MYPN: variants seen among roughly 807,000 people sequenced by gnomAD.
MYPN encodes sarcomeric protein myopalladin, 145 kDa (MYOP).
Under a neutral mutation model 129.4 loss-of-function variants are expected in MYPN, and 63 were observed. The ratio of observed to expected loss-of-function variants is 0.49; its 90% CI spans 0.40 to 0.60. MYPN has a LOEUF of 0.60. Ranked by LOEUF, MYPN falls within the 20% of genes least tolerant of loss-of-function variation. The probability of loss-of-function intolerance (pLI) is 0.00; values close to 1 mark genes in which losing one functional copy is unlikely to be tolerated. For synonymous variants in MYPN, 629 were observed against 600.9 expected (o/e 1.05, Z -0.68); for missense variants, 1,596 against 1,635.4 (o/e 0.98, Z 0.42).
At chr10:68,176,544 A>G (rs1370843358) in intron 12 of MYPN, among the ~76,000 whole-genome samples, 1 of 152,154 alleles carries the variant, frequency 6.6e-6, no homozygotes, top group African/African-American at 2.4e-5. Context: ...GGAGCCATGG[A>G]TATATAGTAA....
At chr10:68,145,843 C>T (rs961387820) in intron 4 of MYPN, among the ~76,000 whole-genome samples, 14 of 152,164 alleles carry the variant, frequency 9.2e-5, no homozygotes, top group Admixed American at 5.9e-4. Context: ...TGTGCAGATA[C>T]GAACATTCAT....
rs143338091 is a variant in MYPN, at chr10:68,166,533, G to A, written c.1840G>A (p.Glu614Lys). Residue 614 changes from glutamate to lysine, a missense_variant, in exon 10 of 20, where the codon GAG becomes AAG. Coordinates refer to ENST00000358913, the MANE Select transcript of MYPN (RefSeq NM_032578.4). ...TGACAAAGGAAGTGAAGCATCCTCC[G>A]AGGCTGGTGTGGTGACCACCAGACA... Reference protein sequence around the residue: ...EDDKGSEASSEAGVVTTRQTR... With the variant: ...EDDKGSEASSKAGVVTTRQTR... 196 of 1,614,104 alleles carry A rather than the reference G, an allele frequency of 1.2e-4. 1 individual carries two copies. In the East Asian group the frequency reaches 3.9e-3, roughly 32 times the overall value.
Position 68,199,235 on chromosome 10 carries a change from TAC to T in MYPN, c.3286-131_3286-130del. On this transcript the variant is annotated intron_variant, in intron 16 of 19. Transcript: ENST00000358913. ...GACTCTTCGTTTCTCTCGATGCCCC[TAC>T]AGAGAGGTTTCTCATCACTCCATGT... 4 of 837,186 alleles carry T rather than the reference TAC, an allele frequency of 4.8e-6. No homozygotes were observed. The South Asian group carries it at 5.8e-5, about 12-fold the overall frequency. The allele number at this position is 837,186 out of a possible 1,614,324, so 51.9% of individuals were successfully genotyped here. A position where few individuals can be genotyped will look rare whatever the true frequency, so the allele number is the denominator to read the frequency against.
chr10:68,195,158 A>G (rs1190679907), intron 14 of MYPN, among the ~76,000 whole-genome samples: 3 of 152,174 alleles, frequency 2.0e-5, no homozygotes, highest in African/African-American at 7.2e-5. Context: ...ATGCTTTCTA[A>G]ATTTTGACTG....
chr10:68,176,566 G>A (rs562425677), intron 12 of MYPN, among the ~76,000 whole-genome samples: 2 of 152,232 alleles, frequency 1.3e-5, no homozygotes, highest in South Asian at 4.1e-4. Context: ...TCGCAATTGT[G>A]TTATATATTG....
intron 6 of MYPN, among the ~76,000 whole-genome samples, chr10:68,151,298 G>A (rs146841668): frequency 2.0e-5 from 3 of 152,140 alleles, no homozygotes; most frequent in East Asian, 1.9e-4. Context: ...AGTCTAGAGC[G>A]AACAACCATG....
intron 2 of MYPN, among the ~76,000 whole-genome samples, chr10:68,126,606 TAGAAG>T (rs1589533649): frequency 6.6e-6 from 1 of 152,080 alleles, no homozygotes; most frequent in Non-Finnish European, 1.5e-5. Flanking sequence ...GAGCAATGTT[TAGAAG>T]AAAAGAAATC....
At chr10:68,168,310 G>A (rs1011094339) in intron 10 of MYPN, among the ~76,000 whole-genome samples, 2 of 152,174 alleles carry the variant, frequency 1.3e-5, no homozygotes, top group Admixed American at 6.5e-5. Flanking sequence ...AGAGAAGGGA[G>A]TTACAGGGAA....
At chr10:68,203,633 A>G (rs1373931491) in intron 18 of MYPN, among the ~76,000 whole-genome samples, 1 of 151,852 alleles carries the variant, frequency 6.6e-6, no homozygotes, top group Non-Finnish European at 1.5e-5. Flanking sequence ...ACTCATAGTG[A>G]TTAGCTTCTG....
chr10:68,190,189 T>G (rs1387011808), intron 13 of MYPN, among the ~76,000 whole-genome samples: 6 of 145,728 alleles, frequency 4.1e-5, no homozygotes, highest in Non-Finnish European at 7.7e-5. Flanking sequence ...TTCAGGTCTT[T>G]TTTGTGTGTG....
At chr10:68,147,242 C>T (rs1329205979) in intron 4 of MYPN, among the ~76,000 whole-genome samples, 7 of 152,146 alleles carry the variant, frequency 4.6e-5, no homozygotes, top group Non-Finnish European at 8.8e-5. Context: ...GCAACCTCTG[C>T]CACCCAGGTT....
At chr10:68,165,872 T>C in intron 9 of MYPN, 54 bp downstream of exon 9, 1 of 1,405,004 alleles carries the variant, frequency 7.1e-7, no homozygotes, top group South Asian at 1.2e-5. Context: ...AGTGTGAATA[T>C]GCAGATTTTG....
At chr10:68,125,969 A>T (rs1246225608) in intron 2 of MYPN, among the ~76,000 whole-genome samples, 1 of 152,194 alleles carries the variant, frequency 6.6e-6, no homozygotes, top group African/African-American at 2.4e-5. Flanking sequence ...AATAAGGGCT[A>T]TGACAGGAGT....
chr10:68,201,973 C>T lies in MYPN; in HGVS notation c.3638C>T (p.Pro1213Leu), dbSNP rs1463415893. ...FYWKKDNETIPCTRERISMHQ... is the reference protein window; with the variant it reads ...FYWKKDNETILCTRERISMHQ... ...TGGAAGAAAGACAATGAGACCATCC[C>T]TTGCACCAGAGAGAGGATCAGGTAC... Residue 1213 changes from proline (P) to leucine (L), a missense_variant, in exon 18 of 20, where the codon CCT becomes CTT. By Grantham distance (98) the Pro-to-Leu change is moderately conservative. Transcript: ENST00000358913. The T allele has an allele frequency of 6.2e-7, 1 of 1,613,964 alleles. No homozygotes were observed.
At chr10:68,102,874 T>A (rs1564637960), upstream of MYPN, among the ~76,000 whole-genome samples, 1 of 152,256 alleles carries the variant, frequency 6.6e-6, no homozygotes, top group Non-Finnish European at 1.5e-5. Flanking sequence ...TGTAACATTA[T>A]CTGCTTACTT....
chr10:68,163,230 G>A (rs2101483), intron 8 of MYPN, among the ~76,000 whole-genome samples: 61,233 of 151,856 alleles, frequency 0.4, 14,184 homozygotes, highest in Non-Finnish European at 0.52. Context: ...TGGAGGTGGA[G>A]GTTGCAGTGA....
chr10:68,100,280 G>A (rs1292540252), intron 1 of MYPN, among the ~76,000 whole-genome samples: 1 of 152,180 alleles, frequency 6.6e-6, no homozygotes, highest in East Asian at 1.9e-4. Flanking sequence ...GGTCACTCAG[G>A]GAGCTAAATA....
rs780542025 is a variant in MYPN, at chr10:68,182,471, T to TATATATACACAC, written c.2704-6433_2704-6432insTATATACACACA. Among the ~76,000 whole-genome samples the TATATATACACAC allele has an allele frequency of 7.6e-5, 8 of 104,666 alleles. 1 individual carries two copies. The highest frequency in any genetic ancestry group is 1.7e-4 in the African/African-American group (5 of 28,846). 68.7% of individuals were successfully genotyped at this position (104,666 alleles called of 152,430 possible). A position where few individuals can be genotyped will look rare whatever the true frequency, so the allele number is the denominator to read the frequency against. On this transcript the variant is annotated intron_variant, in intron 12 of 19. Coordinates refer to ENST00000358913, the MANE Select transcript of MYPN (RefSeq NM_032578.4). ...ATATAACATATATATATAACATATA[T>TATATATACACAC]ACACACACACACACACACACACACA...
rs2634710 is a variant in MYPN at position 68,166,041 on chromosome 10, C to T, written c.1600+223C>T. 0.039 allele frequency among the ~76,000 whole-genome samples: 5,926 copies of T among 152,300 alleles called. 261 individuals carry two copies. The highest frequency in any genetic ancestry group is 0.1 in the African/African-American group (4,311 of 41,548). On this transcript the variant is annotated intron_variant, in intron 9 of 19. Transcript: ENST00000358913. ...TAACCTGCTGTCATCACTATATTTC[C>T]TGAGAACATCTCCTCAATAAATTTC...
Sources: allele counts gnomAD v4.1 joint callset (sites outside exome capture counted in the v4.1 genomes callset), GRCh38; gene constraint gnomAD v4.1.1; transcripts MANE v1.5; gene names NCBI Gene and HGNC (gene_info 2026-07-23, HGNC 2026-07-21).